NALCN: variants seen among roughly 807,000 people sequenced by gnomAD.
NALCN encodes the protein sodium leak channel, non-selective, also known as sodium leak channel NALCN.
A neutral mutation model predicts 225.3 loss-of-function variants in NALCN; 111 were observed. The ratio of observed to expected loss-of-function variants is 0.49; its 90% CI spans 0.42 to 0.58. NALCN has a LOEUF of 0.58. Ranked by LOEUF, NALCN falls within the 20% of genes least tolerant of loss-of-function variation. The probability of loss-of-function intolerance (pLI) is 0.00; values close to 1 mark genes in which losing one functional copy is unlikely to be tolerated. For missense variants in NALCN, 1,378 were observed against 2,202.4 expected, an observed-to-expected ratio of 0.63 and a Z score of 7.49; for synonymous variants, 764 against 769.0, an observed-to-expected ratio of 0.99 and a Z score of 0.11.
chr13:101,288,974 G>T (rs1313981699), intron 9 of NALCN, among the ~76,000 whole-genome samples: 1 of 152,188 alleles, frequency 6.6e-6, no homozygotes, highest in Non-Finnish European at 1.5e-5. Context: ...TGGGAGTAAA[G>T]GTCTGGGTTA....
At chr13:101,112,916 TATATA>T (rs1450534451) in intron 18 of NALCN, among the ~76,000 whole-genome samples, 1 of 152,088 alleles carries the variant, frequency 6.6e-6, no homozygotes, top group Non-Finnish European at 1.5e-5. Context: ...CAGAAGAACT[TATATA>T]ATACATCATA....
chr13:101,232,508 C>T (rs574651351), intron 12 of NALCN, among the ~76,000 whole-genome samples: 18 of 149,324 alleles, frequency 1.2e-4, no homozygotes, highest in Admixed American at 2.0e-4. Flanking sequence ...TGTAGTGGAG[C>T]GATCTCGGCT....
At chr13:101,321,591 G>T (rs1294515091) in intron 7 of NALCN, among the ~76,000 whole-genome samples, 3 of 152,056 alleles carry the variant, frequency 2.0e-5, no homozygotes, top group African/African-American at 7.2e-5. Flanking sequence ...TGGTACACAA[G>T]GAGACTCATG....
intron 4 of NALCN, 62 bp downstream of exon 4, chr13:101,378,508 T>C: frequency 7.8e-7 from 1 of 1,289,496 alleles, no homozygotes; most frequent in Non-Finnish European, 1.1e-6. Context: ...TTTAGACTTT[T>C]AATGCAAAAT....
intron 18 of NALCN, among the ~76,000 whole-genome samples, chr13:101,121,251 A>G (rs1566299553): frequency 6.6e-6 from 1 of 152,082 alleles, no homozygotes; most frequent in Non-Finnish European, 1.5e-5. Flanking sequence ...AATAGACAAG[A>G]GAGCTGAGAA....
chr13:101,104,932 G>A lies in NALCN; in HGVS notation c.2598C>T (p.Val866=). Residue 866 remains valine (V), a synonymous_variant, in exon 23 of 44, where the codon GTC becomes GTT. Transcript: ENST00000251127. This position sits in a 1 kb window ranked among gnomAD's most constrained non-coding sequence, Gnocchi z 4.2. ...ARFNASKTDP[V]TGAVKNTKYH... The stretch of plus-strand genomic sequence containing the variant: ...ACTTTGTATTTTTCACAGCTCCTGT[G>A]ACAGGGTCTGTTTTAGATCTGTAAG... The A allele has an allele frequency of 1.2e-6, 2 of 1,613,722 alleles. No homozygotes were observed. Among genetic ancestry groups the A allele is most frequent in the Non-Finnish European group, 8.5e-7 (1 of 1,179,750 alleles).
chr13:101,410,386 G>C (rs551694145), intron 1 of NALCN, among the ~76,000 whole-genome samples: 16 of 152,174 alleles, frequency 1.1e-4, no homozygotes, highest in Non-Finnish European at 2.1e-4. Flanking sequence ...GTGTGGAAAA[G>C]AATAAGAGAG....
intron 18 of NALCN, among the ~76,000 whole-genome samples, chr13:101,111,845 G>A (rs1310576758): frequency 3.3e-5 from 5 of 152,072 alleles, no homozygotes; most frequent in Admixed American, 6.5e-5. Context: ...TCTTTCTTTC[G>A]TAAATTGCCC....
At chr13:101,290,875 A>G (rs2043527295) in intron 9 of NALCN, among the ~76,000 whole-genome samples, 1 of 152,232 alleles carries the variant, frequency 6.6e-6, no homozygotes, top group African/African-American at 2.4e-5. Context: ...ACAAGGCATT[A>G]TATCATTTTA....
chr13:101,372,498 C>G (rs1457664340), intron 6 of NALCN, among the ~76,000 whole-genome samples: 1 of 152,116 alleles, frequency 6.6e-6, no homozygotes, highest in African/African-American at 2.4e-5. Context: ...TTCACAGGGA[C>G]TATTGTCTGA....
chr13:101,368,465 C>T (rs906472923), intron 6 of NALCN: 9 of 151,920 alleles, frequency 5.9e-5, no homozygotes, highest in Admixed American at 2.0e-4. Context: ...AATAAACATA[C>T]GTGTGCATGT....
chr13:101,415,962 G>C (rs1395924524), intron 1 of NALCN, among the ~76,000 whole-genome samples: 25 of 152,188 alleles, frequency 1.6e-4, no homozygotes, highest in Admixed American at 1.6e-3. Context: ...GGGCAGGCCC[G>C]AGGTGTCGCC....
intron 42 of NALCN, chr13:101,058,425 G>T (rs2031530384): frequency 1.3e-5 from 2 of 152,472 alleles, no homozygotes; most frequent in Non-Finnish European, 2.8e-5. Flanking sequence ...GCTGGGCGGG[G>T]GCAGTCTACT....
At chr13:101,117,621 T>C (rs1416093039) in intron 18 of NALCN, among the ~76,000 whole-genome samples, 1 of 152,252 alleles carries the variant, frequency 6.6e-6, no homozygotes, top group East Asian at 1.9e-4. Flanking sequence ...ATACAGTATG[T>C]AGACTTTTCA....
chr13:101,057,876 C>T (rs1302222088), intron 43 of NALCN, 63 bp downstream of exon 43: 4 of 1,329,064 alleles, frequency 3.0e-6, no homozygotes, highest in East Asian at 4.6e-5. Flanking sequence ...ACCCAAAACA[C>T]ACAAACAGAG....
intron 2 of NALCN, among the ~76,000 whole-genome samples, chr13:101,397,069 TATATA>T (rs1566650646): frequency 0.014 from 860 of 61,738 alleles, 24 homozygotes; most frequent in African/African-American, 0.041. Context: ...GAATGTATTA[TATATA>T]TATATATATA....
intron 17 of NALCN, 54 bp downstream of exon 17, chr13:101,143,026 T>C: frequency 6.2e-7 from 1 of 1,610,894 alleles, no homozygotes; most frequent in Non-Finnish European, 8.5e-7. Context: ...GCGGTTCTTT[T>C]CTCAAACATA....
rs533800818 is a variant in NALCN at position 101,163,218 on chromosome 13, T to C, written c.1839+13082A>G. 2.7e-5 allele frequency among the ~76,000 whole-genome samples: 4 copies of C among 147,568 alleles called. No individual in the cohort carries two copies. In the South Asian group the frequency reaches 8.6e-4, roughly 32 times the overall value. The stretch of plus-strand genomic sequence containing the variant: ...ATGCCTGGCCTATATATATATATAT[T>C]TTAATTGAAGGGTTACCTTGCAGAG... On this transcript the variant is annotated intron_variant, in intron 15 of 43. Coordinates refer to ENST00000251127, the MANE Select transcript of NALCN (RefSeq NM_052867.4).
rs112326295 is a variant in NALCN at position 101,331,527 on chromosome 13, T to A, written c.799+13739A>T. ...GGACAGAGAATGATAGAAGATTCCT[T>A]GTGCAACTAATCAAGGATCAAGAGT... On this transcript the variant is annotated intron_variant, in intron 7 of 43. Transcript: ENST00000251127. 1.9e-3 allele frequency among the ~76,000 whole-genome samples: 292 copies of A among 152,270 alleles called. 1 individual carries two copies. The highest frequency in any genetic ancestry group is 6.5e-3 in the African/African-American group (269 of 41,566).
Sources: allele counts gnomAD v4.1 joint callset (sites outside exome capture counted in the v4.1 genomes callset), GRCh38; gene constraint gnomAD v4.1.1; non-coding constraint Gnocchi (gnomAD v3.1); transcripts MANE v1.5; gene names NCBI Gene and HGNC (gene_info 2026-07-23, HGNC 2026-07-21).